The following COL28A1 variants were observed in gnomAD, a reference collection of about 807,000 sequenced individuals.
COL28A1 encodes collagen type XXVIII alpha 1 chain.
In COL28A1, 161 loss-of-function variants were observed where a neutral mutation model predicts 150.2. That is an observed-to-expected ratio of 1.07 (90% CI 0.94 to 1.22). COL28A1 has a LOEUF of 1.22. Among genes scored for constraint, COL28A1 ranks in the 50% most tolerant of loss-of-function variants. The pLI, the probability that COL28A1 is intolerant of heterozygous loss-of-function variation, is 0.00. For synonymous variants in COL28A1, 552 were observed against 469.7 expected (o/e 1.18, Z -2.26); for missense variants, 1,617 against 1,388.3 (o/e 1.16, Z -2.62).
chr7:7,424,766 G>T (rs1784566833), intron 25 of COL28A1, among the ~76,000 whole-genome samples: 1 of 151,934 alleles, frequency 6.6e-6, no homozygotes, highest in African/African-American at 2.4e-5. Context: ...CTTCCTCTTG[G>T]CCCGCCAAAG....
At chr7:7,405,033 G>A (rs1783418051) in intron 27 of COL28A1, among the ~76,000 whole-genome samples, 1 of 152,056 alleles carries the variant, frequency 6.6e-6, no homozygotes, top group Admixed American at 6.6e-5. Context: ...ACATGCATGT[G>A]CTACCATGCC....
At position 7,460,329 on chromosome 7, in the gene COL28A1, T is replaced by C. The variant is rs910406793; in HGVS notation, c.1303-4217A>G. On this transcript the variant is annotated intron_variant, in intron 15 of 34. Transcript: ENST00000399429. ...CTGATTTTAAGATAATATTTTTGAGTGGGAGCCTAGGGATGGATATACACT... is the reference window on the plus strand; with the variant it reads ...CTGATTTTAAGATAATATTTTTGAGCGGGAGCCTAGGGATGGATATACACT... Among the ~76,000 whole-genome samples, 8 of 152,090 alleles carry C rather than the reference T, an allele frequency of 5.3e-5. No individual in the cohort carries two copies. In the South Asian group the frequency reaches 8.3e-4, roughly 16 times the overall value.
At chr7:7,465,661 C>A (rs1788029196) in intron 15 of COL28A1, among the ~76,000 whole-genome samples, 1 of 105,286 alleles carries the variant, frequency 9.5e-6, no homozygotes, top group Non-Finnish European at 1.9e-5. Flanking sequence ...AGGGCACAGA[C>A]AAACAAAAAG....
chr7:7,466,455 G>C (rs1583442649), intron 15 of COL28A1, among the ~76,000 whole-genome samples: 1 of 115,862 alleles, frequency 8.6e-6, no homozygotes, highest in Non-Finnish European at 1.7e-5. Context: ...ATGGGACTAT[G>C]TGAAAAGACC....
intron 18 of COL28A1, among the ~76,000 whole-genome samples, chr7:7,450,449 G>A (rs966881957): frequency 6.6e-6 from 1 of 152,080 alleles, no homozygotes; most frequent in African/African-American, 2.4e-5. Flanking sequence ...TACTCTAAGT[G>A]AAAAAAATAA....
intron 32 of COL28A1, among the ~76,000 whole-genome samples, chr7:7,372,005 G>C (rs1209969385): frequency 1.3e-5 from 2 of 151,376 alleles, no homozygotes; most frequent in African/African-American, 4.8e-5. Flanking sequence ...GCTAATTTTT[G>C]TATTTTTAGT....
chr7:7,432,432 C>A, intron 25 of COL28A1, 41 bp downstream of exon 25: 10 of 1,545,796 alleles, frequency 6.5e-6, no homozygotes, highest in Non-Finnish European at 8.9e-6. Context: ...CCTATAGGTG[C>A]ACTCTTAGAA....
intron 25 of COL28A1, among the ~76,000 whole-genome samples, chr7:7,430,101 G>A (rs1157583986): frequency 2.0e-5 from 3 of 151,434 alleles, no homozygotes; most frequent in Admixed American, 6.6e-5. Context: ...ATCTGACACA[G>A]TGAAATATTC....
intron 33 of COL28A1, among the ~76,000 whole-genome samples, chr7:7,364,365 C>T (rs1464402406): frequency 6.6e-6 from 1 of 152,180 alleles, no homozygotes; most frequent in Non-Finnish European, 1.5e-5. Context: ...AGGGTAATGA[C>T]TCGAGAGGAG....
chr7:7,481,808 C>G (rs1323258807), intron 13 of COL28A1, among the ~76,000 whole-genome samples: 1 of 152,094 alleles, frequency 6.6e-6, no homozygotes, highest in African/African-American at 2.4e-5. Flanking sequence ...ATAATAGTAA[C>G]TGTCCATTAT....
At chr7:7,499,034 ACTTCAAGTTGTCACT>A (rs1780374886) in intron 11 of COL28A1, among the ~76,000 whole-genome samples, 1 of 152,090 alleles carries the variant, frequency 6.6e-6, no homozygotes, top group Admixed American at 6.6e-5. Context: ...TCTGGCAGCC[ACTTCAAGTTGTCACT>A]ATCAGTTGTC....
At chr7:7,407,484 G>A (rs1166987158) in intron 27 of COL28A1, among the ~76,000 whole-genome samples, 1 of 152,080 alleles carries the variant, frequency 6.6e-6, no homozygotes, top group Non-Finnish European at 1.5e-5. Context: ...GGAATAGACT[G>A]ACAGATAACT....
intron 27 of COL28A1, among the ~76,000 whole-genome samples, chr7:7,404,379 C>T (rs1268729297): frequency 6.6e-6 from 1 of 151,980 alleles, no homozygotes; most frequent in Non-Finnish European, 1.5e-5. Context: ...CAGCAAATGG[C>T]TCCCCATTTC....
chr7:7,471,720 C>A (rs999710372), intron 15 of COL28A1, among the ~76,000 whole-genome samples: 15 of 152,216 alleles, frequency 9.9e-5, no homozygotes, highest in South Asian at 4.2e-4. Flanking sequence ...CATGATGAAA[C>A]CCCATCTCTA....
chr7:7,360,152 T>C (rs3752644), intron 34 of COL28A1, among the ~76,000 whole-genome samples: 118,260 of 152,116 alleles, frequency 0.78, 46,169 homozygotes, highest in East Asian at 0.88. Flanking sequence ...AATAAGAACT[T>C]TGAAATTCTT....
intron 10 of COL28A1, among the ~76,000 whole-genome samples, chr7:7,506,605 G>C (rs1023972609): frequency 3.9e-5 from 6 of 152,152 alleles, no homozygotes; most frequent in African/African-American, 1.4e-4. Context: ...CTTTAGAAGA[G>C]ATAAGTTCCT....
intron 33 of COL28A1, among the ~76,000 whole-genome samples, chr7:7,365,660 T>C (rs1780897403): frequency 3.3e-5 from 5 of 152,232 alleles, no homozygotes. Context: ...TTACAAAGTC[T>C]TCAAATCTGA....
intron 15 of COL28A1, among the ~76,000 whole-genome samples, chr7:7,460,387 G>GA (rs1787511855): frequency 6.9e-6 from 1 of 145,126 alleles, no homozygotes; most frequent in Non-Finnish European, 1.5e-5. Flanking sequence ...GTTTTTTGTT[G>GA]TTTTTTTTTT....
chr7:7,507,429 G>A (rs1780872913), intron 9 of COL28A1, among the ~76,000 whole-genome samples: 1 of 152,170 alleles, frequency 6.6e-6, no homozygotes, highest in Admixed American at 6.5e-5. Flanking sequence ...TTTGGTTACA[G>A]TAAAGAAATT....
Sources: allele counts gnomAD v4.1 joint callset (sites outside exome capture counted in the v4.1 genomes callset), GRCh38; gene constraint gnomAD v4.1.1; transcripts MANE v1.5; gene names NCBI Gene and HGNC (gene_info 2026-07-23, HGNC 2026-07-21).